Variants in PFKFB1 observed in about 807,000 individuals in gnomAD.
PFKFB1 encodes the protein 6-phosphofructo-2-kinase/fructose-2,6-bisphosphatase 1.
In PFKFB1, 34 loss-of-function variants were observed where a neutral mutation model predicts 46.4. The ratio of observed to expected loss-of-function variants is 0.73; its 90% CI spans 0.56 to 0.98. The LOEUF (loss-of-function observed/expected upper bound fraction) is 0.98. Among genes scored for constraint, PFKFB1 ranks in the 50% least tolerant of loss-of-function variants. The pLI, the probability that PFKFB1 is intolerant of heterozygous loss-of-function variation, is 0.00. For synonymous variants in PFKFB1, 119 were observed against 133.8 expected (o/e 0.89, Z 0.76); for missense variants, 393 against 376.3 (o/e 1.04, Z -0.37).
At chrX:54,956,414 C>T in intron 6 of PFKFB1, 140 bp from the exon 7 acceptor site, 1 of 727,356 alleles carries the variant, frequency 1.4e-6, no homozygotes, top group Non-Finnish European at 2.0e-6. Context: ...ACACATCTTG[C>T]CCAAGTTTAC....
chrX:54,961,287 T>C (rs936336829), intron 2 of PFKFB1, among the ~76,000 whole-genome samples: 2 of 111,133 alleles, frequency 1.8e-5, no homozygotes, highest in African/African-American at 6.5e-5. Context: ...CCTACTCCAG[T>C]GGAAAGATGA....
At chrX:54,990,296 AAAT>A (rs1337965978) in intron 1 of PFKFB1, among the ~76,000 whole-genome samples, 1 of 111,618 alleles carries the variant, frequency 9.0e-6, no homozygotes, top group Non-Finnish European at 1.9e-5. Flanking sequence ...AGGTGCAAAT[AAAT>A]AATATTATAA....
chrX:54,967,604 G>A (rs1479686874), intron 1 of PFKFB1, among the ~76,000 whole-genome samples: 1 of 68,360 alleles, frequency 1.5e-5, no homozygotes, highest in Non-Finnish European at 2.7e-5. Flanking sequence ...AATCTACAAT[G>A]AACTCAAACA....
intron 1 of PFKFB1, among the ~76,000 whole-genome samples, chrX:54,989,701 C>G (rs1310882437): frequency 1.8e-5 from 2 of 112,096 alleles, no homozygotes; most frequent in Non-Finnish European, 3.8e-5. Context: ...TTTCAAAGAA[C>G]TGAAATAATA....
chrX:54,979,686 T>A (rs960958642), intron 1 of PFKFB1, among the ~76,000 whole-genome samples: 1 of 111,776 alleles, frequency 8.9e-6, no homozygotes, highest in Non-Finnish European at 1.9e-5. Context: ...GTGGGTGCAA[T>A]AGGCAGCATA....
chrX:54,998,597 C>A (rs28382668), upstream of PFKFB1: 68 of 445,325 alleles, frequency 1.5e-4, no homozygotes, highest in African/African-American at 1.5e-3. Context: ...GAAATATCAG[C>A]TGTTGTAGTT....
chrX:54,937,542 G>A (rs1933444682), intron 11 of PFKFB1, 53 bp downstream of exon 11: 2 of 1,104,030 alleles, frequency 1.8e-6, no homozygotes, highest in Admixed American at 2.3e-5. Context: ...AATTGTTGGT[G>A]TCAGTGTCTC....
At chrX:54,934,257 C>T (rs967969103) in intron 12 of PFKFB1, among the ~76,000 whole-genome samples, 8 of 112,035 alleles carry the variant, frequency 7.1e-5, no homozygotes, top group Admixed American at 2.8e-4. Flanking sequence ...TCCTCCAAGC[C>T]GTGTTAGGTG....
chrX:54,936,486 T>C (rs966870523), intron 11 of PFKFB1, among the ~76,000 whole-genome samples: 1 of 111,780 alleles, frequency 8.9e-6, no homozygotes, highest in African/African-American at 3.2e-5. Context: ...TCCTCTGGCA[T>C]GTACCTGGGA....
chrX:54,995,373 C>T (rs1935341751), upstream of PFKFB1, among the ~76,000 whole-genome samples: 1 of 112,033 alleles, frequency 8.9e-6, no homozygotes, highest in African/African-American at 3.3e-5. Flanking sequence ...TTCCACTTTG[C>T]CTTTTAAGAA....
chrX:54,966,037 T>A (rs769842407), intron 1 of PFKFB1, among the ~76,000 whole-genome samples: 3 of 110,634 alleles, frequency 2.7e-5, no homozygotes, highest in Non-Finnish European at 3.8e-5. Flanking sequence ...ATAGAAAACA[T>A]CAAGAACAAA....
chrX:54,982,058 C>G (rs1376652689), intron 1 of PFKFB1, among the ~76,000 whole-genome samples: 4 of 111,312 alleles, frequency 3.6e-5, no homozygotes, highest in African/African-American at 6.5e-5. Context: ...AAACCACAGC[C>G]TCTCACAAGT....
At chrX:54,983,651 T>G (rs1457948469) in intron 1 of PFKFB1, among the ~76,000 whole-genome samples, 2 of 112,194 alleles carry the variant, frequency 1.8e-5, no homozygotes, top group Non-Finnish European at 3.8e-5. Flanking sequence ...GTCTTTATAA[T>G]AGAACGATTT....
chrX:54,989,253 T>A, intron 1 of PFKFB1, among the ~76,000 whole-genome samples: 1 of 111,826 alleles, frequency 8.9e-6, no homozygotes, highest in Non-Finnish European at 1.9e-5. Context: ...AACAATTTTT[T>A]AAATGTAGGA....
upstream of PFKFB1, chrX:54,994,901 C>T (rs144673963): frequency 4.9e-3 from 3,590 of 735,935 alleles, 85 homozygotes; most frequent in African/African-American, 0.078. Context: ...GAATGGTAAG[C>T]TCTGCCCACA....
chrX:54,940,792 AT>A (rs1172927749), intron 10 of PFKFB1, among the ~76,000 whole-genome samples: 1 of 111,918 alleles, frequency 8.9e-6, no homozygotes, highest in East Asian at 2.8e-4. Flanking sequence ...GGAAGAATCA[AT>A]ATCGTGAAGA....
chrX:54,947,188 G>T (rs773221141), intron 9 of PFKFB1, among the ~76,000 whole-genome samples: 2 of 111,893 alleles, frequency 1.8e-5, no homozygotes, highest in Non-Finnish European at 3.8e-5. Context: ...TGAGGCTTCA[G>T]CTAGGTATCA....
At chrX:54,988,108 A>G (rs1428130808) in intron 1 of PFKFB1, among the ~76,000 whole-genome samples, 1 of 111,823 alleles carries the variant, frequency 8.9e-6, no homozygotes, top group African/African-American at 3.2e-5. Flanking sequence ...AATGCACTAA[A>G]AAACACCATT....
chrX:54,953,946 T>A (rs1265455863), intron 7 of PFKFB1, among the ~76,000 whole-genome samples: 2 of 112,221 alleles, frequency 1.8e-5, no homozygotes, highest in African/African-American at 6.5e-5. Flanking sequence ...TATGCATTTA[T>A]ACCTCAAGAG....
Sources: allele counts gnomAD v4.1 joint callset (sites outside exome capture counted in the v4.1 genomes callset), GRCh38; gene constraint gnomAD v4.1.1; transcripts MANE v1.5; gene names NCBI Gene and HGNC (gene_info 2026-07-23, HGNC 2026-07-21).